Variants in GRB7 observed in about 807,000 individuals in gnomAD.
GRB7 encodes the protein growth factor receptor bound protein 7.
In GRB7, 47 loss-of-function variants were observed where a neutral mutation model predicts 64.1. The ratio of observed to expected loss-of-function variants is 0.73; its 90% confidence interval spans 0.58 to 0.94. GRB7 has a LOEUF of 0.94. Ranked by LOEUF, GRB7 falls within the 40% of genes least tolerant of loss-of-function variation. The pLI is 0.00. For synonymous variants in GRB7, 277 were observed against 279.9 expected, an observed-to-expected ratio of 0.99 and a Z score of 0.10; for missense variants, 634 against 718.4, an observed-to-expected ratio of 0.88 and a Z score of 1.34.
At chr17:39,744,798 T>A in intron 8 of GRB7, 88 bp from the exon 9 acceptor site, 2 of 1,363,586 alleles carry the variant, frequency 1.5e-6, no homozygotes. Context: ...TGCTGGAAAC[T>A]CCTGGATTCA....
Position 39,743,456 on chromosome 17 carries a change from G to T in GRB7, c.649G>T (p.Glu217Ter), listed in dbSNP as rs2060015184. The T allele has an allele frequency of 1.2e-6, 2 of 1,613,954 alleles. No homozygotes were observed. Among genetic ancestry groups the T allele is most frequent in the African/African-American group, 1.3e-5 (1 of 74,904 alleles). ...CGATGCACACACTGGTATATCCCATGAAGACCTCATCCAGGTGGGGGGACC... is the reference window on the plus strand; with the variant it reads ...CGATGCACACACTGGTATATCCCATTAAGACCTCATCCAGGTGGGGGGACC... The part of the protein sequence containing the change: ...CLDAHTGISH[E>*]DLIQNFLNAG... Residue 217 changes from glutamate (E) to a stop codon, truncating the protein, a stop_gained, in exon 6 of 15, where the codon GAA becomes TAA. Coordinates refer to ENST00000309156, the MANE Select transcript of GRB7 (RefSeq NM_005310.5). LOFTEE classifies it high-confidence loss of function.
chr17:39,742,169 TG>T (rs1303952471), intron 1 of GRB7, 82 bp from the exon 2 acceptor site: 2 of 903,574 alleles, frequency 2.2e-6, no homozygotes, highest in Non-Finnish European at 1.8e-6. Context: ...GTTAGAGCAG[TG>T]AGGTGCTAGG....
chr17:39,741,472 C>G (rs1325070161), intron 1 of GRB7, among the ~76,000 whole-genome samples: 1 of 152,256 alleles, frequency 6.6e-6, no homozygotes, highest in Non-Finnish European at 1.5e-5. Flanking sequence ...CTCTGCATCA[C>G]TCATCACTTG....
chr17:39,745,314 C>A lies in GRB7; in HGVS notation c.1083C>A (p.Ser361=), dbSNP rs2060035086. Residue 361 remains serine, a synonymous_variant, in exon 10 of 15, where the codon TCC becomes TCA. Coordinates refer to ENST00000309156, the MANE Select transcript of GRB7 (RefSeq NM_005310.5). ...SRHLHPSCLG[S]PPLRSASDNT... The stretch of plus-strand genomic sequence containing the variant: ...ATCTGCATCCATCTTGTTTGGGCTC[C>A]CCACCCTTGGTGAGTGTGCCCAAGG... 4 of 1,612,132 alleles carry A rather than the reference C, an allele frequency of 2.5e-6. No homozygotes were observed. In the East Asian group the frequency reaches 8.9e-5, roughly 36 times the overall value.
Position 39,744,959 on chromosome 17 carries a change from G to A in GRB7, c.986G>A (p.Trp329Ter), listed in dbSNP as rs781602530. 1.2e-6 allele frequency: 2 copies of A among 1,613,862 alleles called. No individual in the cohort carries two copies. The highest frequency in any genetic ancestry group is 4.5e-5 in the East Asian group (2 of 44,870). ...CSEDEQSRTCWLAAFRLFKYG... is the reference protein window; with the variant it reads ...CSEDEQSRTC ...GAAGATGAGCAGAGCCGCACCTGCT[G>A]GCTGGCTGCCTTCCGCCTCTTCAAG... The change falls in exon 9 of 15, where the codon TGG (tryptophan) becomes TAG (stop). Residue 329 changes from tryptophan to a stop codon, truncating the protein, a stop_gained. Transcript: ENST00000309156. LOFTEE classifies it high-confidence loss of function.
chr17:39,742,159 G>C, intron 1 of GRB7, 93 bp from the exon 2 acceptor site: 1 of 842,148 alleles, frequency 1.2e-6, no homozygotes, highest in Non-Finnish European at 2.0e-6. Flanking sequence ...GGAAACTCCA[G>C]TTAGAGCAGT....
At position 39,742,901 on chromosome 17, in the gene GRB7, G is replaced by A. The variant is rs779854022; in HGVS notation, c.310G>A (p.Val104Ile). Residue 104 changes from valine (V) to isoleucine (I), a missense_variant, in exon 4 of 15, where the codon GTA becomes ATA. Around this residue, in one of 2 missense-constraint regions of GRB7, gnomAD observed 167 missense variants for 141.9 expected, o/e 1.18. Coordinates refer to ENST00000309156, the MANE Select transcript of GRB7 (RefSeq NM_005310.5). ...LPRDASRPHV[V>I]KVYSEDGACR... ...GTGTGCAATTCCTGGGGCGCAGGTA[G>A]TAAAGGTGTACAGTGAGGATGGGGC... The A allele has an allele frequency of 1.9e-6, 3 of 1,587,196 alleles. No individual in the cohort carries two copies. The highest frequency in any genetic ancestry group is 2.6e-6 in the Non-Finnish European group (3 of 1,165,408).
chr17:39,745,660 C>T, intron 11 of GRB7, 68 bp from the exon 12 acceptor site: 1 of 1,582,518 alleles, frequency 6.3e-7, no homozygotes, highest in South Asian at 1.1e-5. Context: ...AGTGCTCTAC[C>T]TTCCTGAGGT....
chr17:39,738,702 G>A, intron 1 of GRB7: 1 of 489,834 alleles, frequency 2.0e-6, no homozygotes, highest in Non-Finnish European at 3.7e-6. Flanking sequence ...GGGGAGAGCC[G>A]CCCTCACTCT....
At chr17:39,744,450 C>T (rs2060025291) in intron 7 of GRB7, 103 bp from the exon 8 acceptor site, 2 of 978,938 alleles carry the variant, frequency 2.0e-6, no homozygotes, top group Non-Finnish European at 3.1e-6. Context: ...TGGGTATTCC[C>T]CTGCCCCTCT....
chr17:39,741,032 C>T (rs1453179495), intron 1 of GRB7, among the ~76,000 whole-genome samples: 1 of 152,122 alleles, frequency 6.6e-6, no homozygotes, highest in African/African-American at 2.4e-5. Context: ...GAGAAGGTGC[C>T]AGCCCCACCT....
At chr17:39,738,916 G>A in intron 1 of GRB7, 1 of 1,535,124 alleles carries the variant, frequency 6.5e-7, no homozygotes, top group Non-Finnish European at 8.7e-7. Context: ...ATGGGAAAGT[G>A]GAGGCCGGGT....
In GRB7 at chr17:39,742,323, C is replaced by T. The variant is rs1480821982; in HGVS notation, c.22C>T (p.Pro8Ser). The T allele has an allele frequency of 1.2e-6, 2 of 1,613,938 alleles. No individual in the cohort carries two copies. The highest frequency in any genetic ancestry group is 2.2e-5 in the East Asian group (1 of 44,890). Residue 8 changes from proline to serine, a missense_variant, in exon 2 of 15, where the codon CCT becomes TCT. Physicochemically the swap from Pro to Ser is moderately conservative, Grantham distance 74 (BLOSUM62 -1). This residue lies in a region of GRB7 where 167 missense variants were observed against 141.9 expected (regional missense o/e 1.18). Coordinates refer to ENST00000309156, the MANE Select transcript of GRB7 (RefSeq NM_005310.5). MELDLSP[P>S]HLSSSPEDLC... ...CGCCATGGAGCTGGATCTGTCTCCA[C>T]CTCATCTTAGCAGCTCTCCGGAAGA...
In GRB7 at chr17:39,745,311, C is replaced by A; in HGVS notation, c.1080C>A (p.Gly360=). The A allele has an allele frequency of 6.2e-7, 1 of 1,612,158 alleles. No individual in the cohort carries two copies. Among genetic ancestry groups the A allele is most frequent in the African/African-American group, 1.3e-5 (1 of 75,026 alleles). Residue 360 remains glycine (G), a synonymous_variant, in exon 10 of 15, where the codon GGC becomes GGA. Transcript: ENST00000309156. ...QSRHLHPSCL[G]SPPLRSASDN... ...GCCATCTGCATCCATCTTGTTTGGG[C>A]TCCCCACCCTTGGTGAGTGTGCCCA...
chr17:39,738,765 C>T (rs2059971948), intron 1 of GRB7: 2 of 723,056 alleles, frequency 2.8e-6, no homozygotes, highest in Non-Finnish European at 2.2e-6. Flanking sequence ...CTAAGACAGA[C>T]GTCTCTGCGG....
Position 39,743,275 on chromosome 17 carries a change from A to G in GRB7, c.559A>G (p.Lys187Glu). 1 of 1,614,170 alleles carries G rather than the reference A, an allele frequency of 6.2e-7. No individual in the cohort carries two copies. Among genetic ancestry groups the G allele is most frequent in the Non-Finnish European group, 8.5e-7 (1 of 1,180,016 alleles). Residue 187 changes from lysine to glutamate, a missense_variant, in exon 5 of 15, where the codon AAG (lysine) becomes GAG (glutamate). By Grantham distance (56) the Lys-to-Glu change is moderately conservative (BLOSUM62 1). Coordinates refer to ENST00000309156, the MANE Select transcript of GRB7 (RefSeq NM_005310.5). ...SRFVFRKNFA[K>E]YELFKSSPHS... ...CTTCGTCTTCCGGAAAAACTTCGCCAAGTACGAACTGTTCAAGAGCTCCCC... is the reference window on the plus strand; with the variant it reads ...CTTCGTCTTCCGGAAAAACTTCGCCGAGTACGAACTGTTCAAGAGCTCCCC...
At chr17:39,738,310 G>C (rs2059968153) in intron 1 of GRB7, 177 bp downstream of exon 1, 1 of 152,320 alleles carries the variant, frequency 6.6e-6, no homozygotes, top group Admixed American at 6.5e-5. Flanking sequence ...GCGGGGGCTG[G>C]AGGGGGACAG....
chr17:39,745,076 C>A, intron 9 of GRB7, 92 bp downstream of exon 9: 1 of 1,177,966 alleles, frequency 8.5e-7, no homozygotes, highest in Admixed American at 2.0e-5. Flanking sequence ...GAGGGCATCA[C>A]AGCCTTGCTC....
Position 39,742,268 on chromosome 17 carries a change from T to C in GRB7, c.-34T>C. On this transcript the variant is annotated 5_prime_UTR_variant, in exon 2 of 15. Coordinates refer to ENST00000309156, the MANE Select transcript of GRB7 (RefSeq NM_005310.5). Reference sequence around the variant, plus strand: ...TCTCCCCAGGACAAGGGCACACAACTGGTTCCGTTAAGCCCCTCTCTTGCT... The same window carrying C: ...TCTCCCCAGGACAAGGGCACACAACCGGTTCCGTTAAGCCCCTCTCTTGCT... 6.2e-7 allele frequency: 1 copy of C among 1,613,550 alleles called. No individual in the cohort carries two copies. The highest frequency in any genetic ancestry group is 1.3e-5 in the African/African-American group (1 of 75,020).
Sources: gnomAD v4.1 joint callset for allele counts (sites outside exome capture counted in the v4.1 genomes callset) on GRCh38, gnomAD v4.1.1 for gene constraint, gnomAD v4.1.1 regional missense constraint, MANE v1.5 for transcripts, NCBI Gene and HGNC (gene_info 2026-07-23, HGNC 2026-07-21) for gene names.